The following ERI3 variants were observed in gnomAD, a reference collection of about 807,000 sequenced individuals.
ERI3 encodes the protein ERI1 exoribonuclease family member 3.
ERI3 carries 18 observed loss-of-function variants against 44.4 expected under a neutral mutation model. That is an observed-to-expected ratio of 0.41 (90% CI 0.28 to 0.60). The LOEUF is 0.60. ERI3 is among the 20% of genes least tolerant of loss of function. ERI3 has a pLI of 0.36. For synonymous variants in ERI3, 183 were observed against 164.8 expected, an observed-to-expected ratio of 1.11 and a Z score of -0.84; for missense variants, 294 against 435.5, an observed-to-expected ratio of 0.68 and a Z score of 2.89.
At chr1:44,311,746 G>C (rs1645977713) in intron 5 of ERI3, among the ~76,000 whole-genome samples, 1 of 152,108 alleles carries the variant, frequency 6.6e-6, no homozygotes, top group South Asian at 2.1e-4. Context: ...CCAGGAAAAA[G>C]GTGCCTGTCT....
chr1:44,347,656 A>G (rs1198155811), intron 2 of ERI3, among the ~76,000 whole-genome samples: 1 of 152,116 alleles, frequency 6.6e-6, no homozygotes, highest in African/African-American at 2.4e-5. Context: ...TTCCTACTTC[A>G]TAACTTTTAT....
At chr1:44,250,936 C>T (rs918652909) in intron 7 of ERI3, among the ~76,000 whole-genome samples, 3 of 152,208 alleles carry the variant, frequency 2.0e-5, no homozygotes, top group African/African-American at 4.8e-5. Context: ...AGCCCTGGCA[C>T]GTCTTCCCCA....
intron 2 of ERI3, among the ~76,000 whole-genome samples, chr1:44,349,188 T>A (rs750819697): frequency 3.3e-5 from 5 of 152,218 alleles, no homozygotes; most frequent in African/African-American, 4.8e-5. Context: ...AGTCTCACTC[T>A]GTCACCCAGG....
At chr1:44,352,996 T>C in intron 1 of ERI3, 71 bp from the exon 2 acceptor site, 2 of 1,601,032 alleles carry the variant, frequency 1.2e-6, no homozygotes, top group Non-Finnish European at 8.5e-7. Context: ...TGAAGGATAC[T>C]ACACCTCAAA....
intron 8 of ERI3, among the ~76,000 whole-genome samples, chr1:44,246,128 G>A (rs937432448): frequency 6.6e-6 from 1 of 152,144 alleles, no homozygotes; most frequent in African/African-American, 2.4e-5. Flanking sequence ...CTTTAACCAG[G>A]CATTCAAGGC....
At chr1:44,354,147 C>T in intron 1 of ERI3, 3 of 985,456 alleles carry the variant, frequency 3.0e-6, no homozygotes, top group Non-Finnish European at 3.6e-6. Flanking sequence ...CCACTCACAA[C>T]CTACTATAGT....
chr1:44,317,499 G>GACAGAAAATAACTCCTTGACAATATTCAT lies in ERI3; in HGVS notation c.606+2100_606+2128dup, dbSNP rs542942421. Among the ~76,000 whole-genome samples, 1,117 of 152,184 alleles carry GACAGAAAATAACTCCTTGACAATATTCAT rather than the reference G, an allele frequency of 7.3e-3. 8 individuals carry two copies. Among genetic ancestry groups the GACAGAAAATAACTCCTTGACAATATTCAT allele is most frequent in the African/African-American group, 0.025 (1,037 of 41,484 alleles). Reference sequence around the variant, plus strand: ...CAGCAGTACAGTTGTTTTTGGGAGAGACAGAAAATAACTCCTTGACAATAT... The same window carrying GACAGAAAATAACTCCTTGACAATATTCAT: ...CAGCAGTACAGTTGTTTTTGGGAGAGACAGAAAATAACTCCTTGACAATATTCATACAGAAAATAACTCCTTGACAATAT... On this transcript the variant is annotated intron_variant, in intron 4 of 8. Coordinates refer to ENST00000372257, the MANE Select transcript of ERI3 (RefSeq NM_024066.3).
chr1:44,354,805 G>A, intron 1 of ERI3, 87 bp downstream of exon 1: 1 of 1,300,474 alleles, frequency 7.7e-7, no homozygotes, highest in Non-Finnish European at 9.8e-7. Context: ...CAGCACCCCA[G>A]GTTGCATAAA....
chr1:44,253,768 G>C (rs1644728528), intron 7 of ERI3, among the ~76,000 whole-genome samples: 1 of 152,196 alleles, frequency 6.6e-6, no homozygotes, highest in Non-Finnish European at 1.5e-5. Flanking sequence ...AACCCATGCA[G>C]AGAGAACACA....
At chr1:44,299,657 G>A (rs915362609) in intron 6 of ERI3, among the ~76,000 whole-genome samples, 4 of 152,294 alleles carry the variant, frequency 2.6e-5, no homozygotes, top group East Asian at 1.9e-4. Flanking sequence ...TCTGACAGAA[G>A]TCAGAAAGGC....
At chr1:44,236,222 A>G (rs1557772387) in intron 8 of ERI3, among the ~76,000 whole-genome samples, 2 of 152,024 alleles carry the variant, frequency 1.3e-5, no homozygotes, top group African/African-American at 4.8e-5. Flanking sequence ...TCTCAACTCA[A>G]TTTAACTCAA....
intron 3 of ERI3, among the ~76,000 whole-genome samples, chr1:44,321,533 C>T (rs755333449): frequency 2.0e-4 from 31 of 152,092 alleles, no homozygotes; most frequent in Middle Eastern, 3.2e-3. Flanking sequence ...CGAACACACA[C>T]CAAAAAAATA....
chr1:44,233,299 A>C (rs1258541130), intron 8 of ERI3, among the ~76,000 whole-genome samples: 2 of 151,692 alleles, frequency 1.3e-5, no homozygotes, highest in African/African-American at 4.8e-5. Context: ...ACCCATGCAA[A>C]CAATCTTATC....
chr1:44,236,417 A>T (rs1644305801), intron 8 of ERI3, among the ~76,000 whole-genome samples: 1 of 152,192 alleles, frequency 6.6e-6, no homozygotes, highest in African/African-American at 2.4e-5. Flanking sequence ...ATTAAATGCT[A>T]CAAATGGGGA....
intron 3 of ERI3, among the ~76,000 whole-genome samples, chr1:44,330,773 C>T (rs1336539073): frequency 1.3e-5 from 2 of 152,082 alleles, no homozygotes; most frequent in South Asian, 2.1e-4. Flanking sequence ...TTTTAAGTAT[C>T]GTGAACACCC....
At chr1:44,266,475 G>A (rs748820992) in intron 7 of ERI3, among the ~76,000 whole-genome samples, 32 of 152,174 alleles carry the variant, frequency 2.1e-4, no homozygotes, top group Non-Finnish European at 4.1e-4. Flanking sequence ...ATAGTCTAGG[G>A]TTTGATGGTT....
chr1:44,305,751 G>T (rs1280190261), intron 6 of ERI3, among the ~76,000 whole-genome samples: 3 of 152,210 alleles, frequency 2.0e-5, no homozygotes, highest in African/African-American at 7.2e-5. Flanking sequence ...CTGCTGAGGG[G>T]AGAAGGGGAG....
intron 7 of ERI3, among the ~76,000 whole-genome samples, chr1:44,255,915 T>G (rs1285406723): frequency 6.6e-6 from 1 of 152,204 alleles, no homozygotes; most frequent in Non-Finnish European, 1.5e-5. Flanking sequence ...CATTTTGTCC[T>G]AATTTGAACA....
intron 8 of ERI3, among the ~76,000 whole-genome samples, chr1:44,238,618 A>G (rs1644362254): frequency 6.6e-6 from 1 of 152,104 alleles, no homozygotes; most frequent in Admixed American, 6.5e-5. Context: ...TGACTGTCCT[A>G]TCCCAACCCA....
Sources: gnomAD v4.1 joint callset for allele counts (sites outside exome capture counted in the v4.1 genomes callset) on GRCh38, gnomAD v4.1.1 for gene constraint, MANE v1.5 for transcripts, NCBI Gene and HGNC (gene_info 2026-07-23, HGNC 2026-07-21) for gene names.